Variants in RGS6 observed in about 807,000 individuals in gnomAD.
RGS6 encodes regulator of G protein signaling 6, also known as regulator of G-protein signaling 6.
In RGS6, 30 loss-of-function variants were observed where a neutral mutation model predicts 78.5. That is an observed-to-expected ratio of 0.38 (90% CI 0.29 to 0.52). The LOEUF is 0.52. Ranked by LOEUF, RGS6 falls within the 20% of genes least tolerant of loss-of-function variation. RGS6 has a pLI of 0.85. For synonymous variants in RGS6, 206 were observed against 206.0 expected (o/e 1.00, Z 0.00); for missense variants, 495 against 609.7 (o/e 0.81, Z 1.98).
At chr14:72,485,830 C>T (rs933256403) in intron 12 of RGS6, among the ~76,000 whole-genome samples, 3 of 152,204 alleles carry the variant, frequency 2.0e-5, no homozygotes, top group East Asian at 1.9e-4. Flanking sequence ...CTCTCTGGTC[C>T]TGCCCACTTT....
intron 3 of RGS6, among the ~76,000 whole-genome samples, chr14:72,354,861 T>G (rs574370639): frequency 6.6e-6 from 1 of 152,176 alleles, no homozygotes; most frequent in Non-Finnish European, 1.5e-5. Flanking sequence ...TTTTAAAATT[T>G]ATGTAAATGA....
At position 72,507,779 on chromosome 14, in the gene RGS6, C is replaced by T. The variant is rs75342523; in HGVS notation, c.966-2375C>T. On this transcript the variant is annotated intron_variant, in intron 13 of 17. Coordinates refer to ENST00000553525, the MANE Select transcript of RGS6 (RefSeq NM_001204424.2). ...CTACAGCTGCTAATATGGGCACAGC[C>T]CTCATTCGAGTACAGCTGCCACTAG... Among the ~76,000 whole-genome samples, 1,175 of 152,254 alleles carry T rather than the reference C, an allele frequency of 7.7e-3. 33 individuals carry two copies. Among genetic ancestry groups the T allele is most frequent in the East Asian group, 0.077 (397 of 5,172 alleles).
intron 17 of RGS6, among the ~76,000 whole-genome samples, chr14:72,548,587 G>A (rs539305633): frequency 5.6e-4 from 85 of 152,274 alleles, no homozygotes; most frequent in African/African-American, 1.8e-3. Context: ...GCAATATTAA[G>A]TCTTGGTTCT....
chr14:72,299,062 A>T (rs1350338362), intron 2 of RGS6, among the ~76,000 whole-genome samples: 1 of 152,204 alleles, frequency 6.6e-6, no homozygotes, highest in African/African-American at 2.4e-5. Flanking sequence ...ATTTATTGGC[A>T]TAAATTTGTT....
intron 2 of RGS6, among the ~76,000 whole-genome samples, chr14:72,136,066 G>T (rs2096434527): frequency 6.6e-6 from 1 of 152,132 alleles, no homozygotes; most frequent in Middle Eastern, 3.2e-3. Context: ...TTTCCTTGAC[G>T]AAAAGTTTTT....
intron 14 of RGS6, among the ~76,000 whole-genome samples, chr14:72,511,165 ATCTC>A (rs1403423262): frequency 3.3e-5 from 5 of 152,314 alleles, no homozygotes; most frequent in East Asian, 3.9e-4. Context: ...GTAAGATGGA[ATCTC>A]TCTCTTTCTT....
intron 2 of RGS6, among the ~76,000 whole-genome samples, chr14:72,070,375 T>G (rs565428682): frequency 1.3e-5 from 2 of 152,348 alleles, no homozygotes; most frequent in East Asian, 3.9e-4. Flanking sequence ...GTTTTGGGAC[T>G]CTAAGAGCTG....
chr14:72,593,379 TTTTTGTTTTTTG>T, the RGS6 span, among the ~76,000 whole-genome samples: 4 of 122,574 alleles, frequency 3.3e-5, no homozygotes, highest in African/African-American at 1.0e-4. Context: ...CGTCTATGTT[TTTTTGTTTTTTG>T]TTTTGTTTTT....
chr14:72,498,101 G>A (rs754246865), intron 13 of RGS6, among the ~76,000 whole-genome samples: 2 of 152,136 alleles, frequency 1.3e-5, no homozygotes, highest in Non-Finnish European at 2.9e-5. Context: ...TGAGTGTTGG[G>A]AGAGTGGTTG....
the RGS6 span, among the ~76,000 whole-genome samples, chr14:71,904,483 A>C: frequency 6.6e-6 from 1 of 152,326 alleles, no homozygotes; most frequent in East Asian, 1.9e-4. Flanking sequence ...CCTTCCCCAC[A>C]AGGGGAGAGC....
At chr14:72,034,531 G>A (rs1335696189) in intron 2 of RGS6, among the ~76,000 whole-genome samples, 1 of 151,960 alleles carries the variant, frequency 6.6e-6, no homozygotes, top group Non-Finnish European at 1.5e-5. Context: ...ACTTGGTCAT[G>A]ATGTATAATT....
the RGS6 span, among the ~76,000 whole-genome samples, chr14:72,578,940 G>A: frequency 6.6e-6 from 1 of 152,156 alleles, no homozygotes; most frequent in Admixed American, 6.5e-5. Context: ...AAGTGGGGTG[G>A]TATGAGAGCC....
At chr14:71,892,422 C>T in the RGS6 span, among the ~76,000 whole-genome samples, 1 of 152,206 alleles carries the variant, frequency 6.6e-6, no homozygotes, top group African/African-American at 2.4e-5. Context: ...CCTTTCCAGG[C>T]TTCACAGGTC....
the RGS6 span, among the ~76,000 whole-genome samples, chr14:72,603,605 C>T: frequency 6.6e-6 from 1 of 152,230 alleles, no homozygotes; most frequent in Non-Finnish European, 1.5e-5. Flanking sequence ...GAACAAGACA[C>T]AGTGCGTGCC....
chr14:72,523,978 C>G (rs1390965030), intron 15 of RGS6, among the ~76,000 whole-genome samples: 5 of 152,140 alleles, frequency 3.3e-5, no homozygotes. Flanking sequence ...GTTTCCTCAT[C>G]TGGGTGATGG....
chr14:72,076,212 C>T (rs773651624), intron 2 of RGS6, among the ~76,000 whole-genome samples: 5 of 152,208 alleles, frequency 3.3e-5, no homozygotes, highest in Admixed American at 1.3e-4. Flanking sequence ...TTCTTCACTC[C>T]GCCATGATTG....
intron 2 of RGS6, among the ~76,000 whole-genome samples, chr14:72,081,225 A>G (rs2094809942): frequency 6.6e-6 from 1 of 151,944 alleles, no homozygotes; most frequent in South Asian, 2.1e-4. Context: ...AGATTTTTCA[A>G]TTCCTGGTTA....
At position 72,475,311 on chromosome 14, in the gene RGS6, G is replaced by A. The variant is rs186019545; in HGVS notation, c.693+612G>A. On this transcript the variant is annotated intron_variant, in intron 10 of 17. Transcript: ENST00000553525. ...CACTTGTGTTTCACTTTACTCAAAGGAGTAGTGGTCACAGCATACCCGAGG... is the reference window on the plus strand; with the variant it reads ...CACTTGTGTTTCACTTTACTCAAAGAAGTAGTGGTCACAGCATACCCGAGG... Among the ~76,000 whole-genome samples, 538 of 150,012 alleles carry A rather than the reference G, an allele frequency of 3.6e-3. 2 individuals carry two copies. The highest frequency in any genetic ancestry group is 0.012 in the African/African-American group (506 of 40,702).
intron 2 of RGS6, among the ~76,000 whole-genome samples, chr14:72,011,198 G>A (rs893731558): frequency 2.6e-5 from 4 of 152,144 alleles, no homozygotes; most frequent in Non-Finnish European, 5.9e-5. Context: ...TGATCTAATA[G>A]AAGCTCTCTC....
Sources: allele counts gnomAD v4.1 joint callset (sites outside exome capture counted in the v4.1 genomes callset), GRCh38; gene constraint gnomAD v4.1.1; transcripts MANE v1.5; gene names NCBI Gene and HGNC (gene_info 2026-07-23, HGNC 2026-07-21).